The following CUL2 variants were observed in gnomAD, a reference collection of about 807,000 sequenced individuals.
The protein encoded by CUL2 is cullin 2.
Under a neutral mutation model 110.2 loss-of-function variants are expected in CUL2, and 22 were observed. The observed-to-expected ratio is 0.20, with a 90% confidence interval of 0.14 to 0.28. The LOEUF (loss-of-function observed/expected upper bound fraction) is 0.28, where lower values mean the gene tolerates loss of function less well. CUL2 is among the 10% of genes least tolerant of loss of function. CUL2 has a pLI of 1.00. For missense variants in CUL2, 631 were observed against 905.5 expected (o/e 0.70, Z 3.89); for synonymous variants, 279 against 293.2 (o/e 0.95, Z 0.49).
chr10:35,014,766 G>A (rs1173081385), intron 18 of CUL2, among the ~76,000 whole-genome samples: 1 of 152,092 alleles, frequency 6.6e-6, no homozygotes, highest in African/African-American at 2.4e-5. Flanking sequence ...CCAGGAGGTG[G>A]GGATTGCAGT....
At chr10:35,071,716 G>A (rs1170395505) in intron 1 of CUL2, among the ~76,000 whole-genome samples, 2 of 152,124 alleles carry the variant, frequency 1.3e-5, no homozygotes, top group Non-Finnish European at 2.9e-5. Context: ...CCAGTTATTT[G>A]TTTTTAAAGC....
chr10:35,109,328 C>T (rs2087500709), intron 1 of CUL2, among the ~76,000 whole-genome samples: 1 of 152,206 alleles, frequency 6.6e-6, no homozygotes, highest in African/African-American at 2.4e-5. Flanking sequence ...ATCAATCTTT[C>T]ATTCCTTGAT....
intron 1 of CUL2, among the ~76,000 whole-genome samples, chr10:35,123,475 A>G (rs1287921880): frequency 6.6e-6 from 1 of 152,186 alleles, no homozygotes; most frequent in Admixed American, 6.5e-5. Context: ...CCAGATGGGT[A>G]ATAGTGGGAA....
chr10:35,042,224 T>C (rs1405948742), intron 8 of CUL2, among the ~76,000 whole-genome samples: 2 of 152,204 alleles, frequency 1.3e-5, no homozygotes, highest in Admixed American at 6.5e-5. Flanking sequence ...AATTTGTCTG[T>C]TCTAGATATT....
At chr10:35,062,670 C>CAAA (rs77853239) in intron 3 of CUL2, among the ~76,000 whole-genome samples, 5 of 123,144 alleles carry the variant, frequency 4.1e-5, no homozygotes, top group Admixed American at 1.7e-4. Flanking sequence ...CCATCTCTAC[C>CAAA]AAAAAAAAAA....
Position 35,044,598 on chromosome 10 carries a change from G to C in CUL2, c.682C>G (p.Gln228Glu). ...ATATACTGTGAGCAGTTTGATTCTT[G>C]TAATAAATTTGAAGCTTCTTGTTTG... ...YYKQEASNLL[Q>E]ESNCSQYMEK... Residue 228 changes from glutamine to glutamate, a missense_variant, in exon 8 of 21, where the codon CAA becomes GAA. By Grantham distance (29) the Gln-to-Glu change is conservative. Transcript: ENST00000374749. 2 of 1,608,670 alleles carry C rather than the reference G, an allele frequency of 1.2e-6. No individual in the cohort carries two copies. Among genetic ancestry groups the C allele is most frequent in the Non-Finnish European group, 8.5e-7 (1 of 1,178,232 alleles).
intron 1 of CUL2, among the ~76,000 whole-genome samples, chr10:35,087,762 C>T (rs35997236): frequency 0.29 from 44,498 of 152,082 alleles, 7,052 homozygotes; most frequent in South Asian, 0.35. Context: ...TACCTTAACC[C>T]TCCACAGCCA....
intron 1 of CUL2, among the ~76,000 whole-genome samples, chr10:35,113,593 C>G (rs144388001): frequency 1.0e-4 from 15 of 147,708 alleles, no homozygotes; most frequent in Admixed American, 9.5e-4. Context: ...CGAAAAATTA[C>G]CAAGAATGCA....
chr10:35,090,380 A>T (rs985894546), upstream of CUL2: 2 of 151,910 alleles, frequency 1.3e-5, no homozygotes, highest in African/African-American at 4.8e-5. Context: ...GGCCCCGGAG[A>T]CGCGGGGGGT....
intron 1 of CUL2, among the ~76,000 whole-genome samples, 151 bp from the exon 2 acceptor site, chr10:35,071,490 C>T (rs906389776): frequency 2.0e-5 from 3 of 152,214 alleles, no homozygotes; most frequent in Non-Finnish European, 4.4e-5. Context: ...CTGCAAGCTC[C>T]GCCTCCCAGG....
intron 5 of CUL2, among the ~76,000 whole-genome samples, chr10:35,051,342 G>C (rs1302617782): frequency 8.9e-6 from 1 of 112,410 alleles, no homozygotes; most frequent in South Asian, 2.9e-4. Context: ...GGCCAGGCGC[G>C]GTGGCTCACG....
intron 1 of CUL2, among the ~76,000 whole-genome samples, chr10:35,077,293 CA>C (rs757497334): frequency 2.8e-4 from 33 of 118,678 alleles, no homozygotes; most frequent in South Asian, 1.1e-3. Context: ...GACTCCGTCT[CA>C]AAAAAAAAAA....
chr10:35,123,441 T>C (rs2087700756), intron 1 of CUL2, among the ~76,000 whole-genome samples: 1 of 151,910 alleles, frequency 6.6e-6, no homozygotes, highest in South Asian at 2.1e-4. Context: ...ACAGAAATAC[T>C]TAGGATGAAC....
chr10:35,055,415 C>A (rs1038955490), intron 4 of CUL2, among the ~76,000 whole-genome samples: 10 of 152,208 alleles, frequency 6.6e-5, no homozygotes, highest in Non-Finnish European at 1.3e-4. Context: ...CAAAACAAGA[C>A]AACAATTTTG....
At position 35,008,593 on chromosome 10, in the gene CUL2, A is replaced by C. The variant is rs1229259151; in HGVS notation, c.*1718T>G. On this transcript the variant is annotated 3_prime_UTR_variant, in exon 21 of 21. Coordinates refer to ENST00000374749, the MANE Select transcript of CUL2 (RefSeq NM_003591.4). ...TATCAATCAACAAGTTATCAAAACA[A>C]GGGTTTGCTTTTTGACAGTGAATGT... 1 of 152,224 alleles carries C rather than the reference A, an allele frequency of 6.6e-6. No individual in the cohort carries two copies. Among genetic ancestry groups the C allele is most frequent in the African/African-American group, 2.4e-5 (1 of 41,452 alleles). 9.4% of individuals were successfully genotyped at this position (152,224 alleles called of 1,614,324 possible).
At chr10:35,059,951 A>T (rs569013973) in intron 4 of CUL2, among the ~76,000 whole-genome samples, 5 of 152,238 alleles carry the variant, frequency 3.3e-5, no homozygotes, top group Non-Finnish European at 7.3e-5. Context: ...AAGTTCACAA[A>T]TAGCACCAAT....
intron 17 of CUL2, among the ~76,000 whole-genome samples, chr10:35,017,874 TTAAAAAAA>T (rs1010665773): frequency 2.7e-5 from 2 of 75,186 alleles, no homozygotes; most frequent in African/African-American, 7.4e-5. Flanking sequence ...CCATACGTGT[TTAAAAAAA>T]AAAAAAAAGA....
intron 2 of CUL2, among the ~76,000 whole-genome samples, chr10:35,098,380 T>C (rs999776599): frequency 6.6e-6 from 1 of 152,120 alleles, no homozygotes; most frequent in Non-Finnish European, 1.5e-5. Context: ...GACTTATACA[T>C]GACATGTGAA....
intron 6 of CUL2, among the ~76,000 whole-genome samples, chr10:35,047,360 C>T (rs966332654): frequency 5.9e-5 from 9 of 152,086 alleles, no homozygotes; most frequent in African/African-American, 2.2e-4. Flanking sequence ...CCTGTAATCC[C>T]AGCACTTTGG....
Sources: gnomAD v4.1 joint callset for allele counts (sites outside exome capture counted in the v4.1 genomes callset) on GRCh38, gnomAD v4.1.1 for gene constraint, MANE v1.5 for transcripts, NCBI Gene and HGNC (gene_info 2026-07-23, HGNC 2026-07-21) for gene names.